ROBO1: variants seen among roughly 807,000 people sequenced by gnomAD.
ROBO1 encodes the protein roundabout guidance receptor 1.
ROBO1 carries 149 observed loss-of-function variants against 195.9 expected under a neutral mutation model. The observed-to-expected ratio is 0.76, with a 90% CI of 0.67 to 0.87. ROBO1 has a LOEUF of 0.87. Among genes scored for constraint, ROBO1 ranks in the 40% least tolerant of loss-of-function variants. The probability of loss-of-function intolerance (pLI) is 0.00; values close to 1 mark genes in which losing one functional copy is unlikely to be tolerated. For synonymous variants in ROBO1, 816 were observed against 733.2 expected (o/e 1.11, Z -1.82); for missense variants, 1,933 against 2,068.3 (o/e 0.93, Z 1.27).
At chr3:78,753,962 A>G (rs2082863669) in intron 4 of ROBO1, among the ~76,000 whole-genome samples, 1 of 152,214 alleles carries the variant, frequency 6.6e-6, no homozygotes, top group Non-Finnish European at 1.5e-5. Context: ...ACATCATTTT[A>G]TACAGTAATA....
intron 2 of ROBO1, among the ~76,000 whole-genome samples, chr3:79,447,612 T>C (rs996099461): frequency 2.0e-5 from 3 of 152,172 alleles, no homozygotes; most frequent in African/African-American, 7.2e-5. Flanking sequence ...AAAAATTAAA[T>C]TGATTTGAGT....
intron 2 of ROBO1, among the ~76,000 whole-genome samples, chr3:79,567,754 A>G (rs1290552056): frequency 6.6e-6 from 1 of 152,150 alleles, no homozygotes; most frequent in African/African-American, 2.4e-5. Context: ...TTGAAAAACT[A>G]AAGTTGTTAT....
chr3:79,532,986 T>TA (rs1004045724), intron 2 of ROBO1: 56 of 315,508 alleles, frequency 1.8e-4, no homozygotes, highest in Middle Eastern at 1.1e-3. Flanking sequence ...TCATCTGCTT[T>TA]AAAAAAAAGT....
chr3:79,164,284 T>A (rs906209878), intron 2 of ROBO1, among the ~76,000 whole-genome samples: 5 of 152,058 alleles, frequency 3.3e-5, no homozygotes, highest in African/African-American at 1.2e-4. Flanking sequence ...CAGTGAAAAA[T>A]TAGAGTACTA....
intron 21 of ROBO1, among the ~76,000 whole-genome samples, chr3:78,644,330 G>A (rs184636843): frequency 6.6e-6 from 1 of 152,206 alleles, no homozygotes; most frequent in East Asian, 1.9e-4. Flanking sequence ...GTCTGGAAGG[G>A]CAGGAATTTT....
chr3:79,207,774 A>G (rs2081896413), intron 2 of ROBO1, among the ~76,000 whole-genome samples: 1 of 148,646 alleles, frequency 6.7e-6, no homozygotes, highest in African/African-American at 2.5e-5. Flanking sequence ...TGAATTGGTG[A>G]CCTTTAAAAC....
intron 2 of ROBO1, among the ~76,000 whole-genome samples, chr3:79,518,373 A>G (rs1174810967): frequency 6.6e-6 from 1 of 152,086 alleles, no homozygotes; most frequent in African/African-American, 2.4e-5. Context: ...ACAACAGGAA[A>G]TAGAGATGCA....
At chr3:79,619,882 C>T (rs1479900304) in intron 1 of ROBO1, among the ~76,000 whole-genome samples, 1 of 152,142 alleles carries the variant, frequency 6.6e-6, no homozygotes, top group Non-Finnish European at 1.5e-5. Flanking sequence ...AGCCCTCAAA[C>T]CCCACAACAG....
At chr3:79,553,356 C>T (rs891125463) in intron 2 of ROBO1, among the ~76,000 whole-genome samples, 3 of 151,948 alleles carry the variant, frequency 2.0e-5, no homozygotes, top group Non-Finnish European at 4.4e-5. Context: ...TGACTCTATT[C>T]GGATGCAGAT....
chr3:79,349,432 C>A (rs1357917182), intron 2 of ROBO1, among the ~76,000 whole-genome samples: 1 of 152,118 alleles, frequency 6.6e-6, no homozygotes, highest in Non-Finnish European at 1.5e-5. Flanking sequence ...TATGAGCTGA[C>A]TTCTTTTAAG....
At chr3:78,881,216 C>A (rs944244268) in intron 4 of ROBO1, among the ~76,000 whole-genome samples, 2 of 152,146 alleles carry the variant, frequency 1.3e-5, no homozygotes, top group Non-Finnish European at 2.9e-5. Context: ...GGATTCTGAG[C>A]TGTACGAAGG....
intron 2 of ROBO1, among the ~76,000 whole-genome samples, chr3:79,321,896 T>C (rs1404050593): frequency 1.3e-5 from 2 of 152,190 alleles, no homozygotes; most frequent in East Asian, 3.9e-4. Context: ...ACTTATTAGC[T>C]GAGGTAAGTA....
At chr3:79,747,120 T>C (rs892149820) in intron 1 of ROBO1, among the ~76,000 whole-genome samples, 1 of 152,062 alleles carries the variant, frequency 6.6e-6, no homozygotes, top group African/African-American at 2.4e-5. Flanking sequence ...TTTTCCTTTT[T>C]TAAATGTAAC....
At chr3:79,102,776 A>G (rs1473878463) in intron 3 of ROBO1, among the ~76,000 whole-genome samples, 2 of 151,778 alleles carry the variant, frequency 1.3e-5, no homozygotes, top group East Asian at 3.9e-4. Flanking sequence ...AAGCACATAA[A>G]AGTTATTGGT....
In ROBO1 at chr3:78,816,538, A is replaced by G. The variant is rs570864496; in HGVS notation, c.500-69638T>C. Among the ~76,000 whole-genome samples, 4 of 152,272 alleles carry G rather than the reference A, an allele frequency of 2.6e-5. No homozygotes were observed. The South Asian group carries it at 6.2e-4, about 24-fold the overall frequency. Reference sequence around the variant, plus strand: ...TATAGCTGCCATAATGATTCCTCCAATGGAGCTAGGCAAAGTAAATAGAAA... The same window carrying G: ...TATAGCTGCCATAATGATTCCTCCAGTGGAGCTAGGCAAAGTAAATAGAAA... On this transcript the variant is annotated intron_variant, in intron 4 of 30. Coordinates refer to ENST00000464233, the MANE Select transcript of ROBO1 (RefSeq NM_002941.4).
chr3:79,248,573 A>G (rs1247292132), intron 2 of ROBO1, among the ~76,000 whole-genome samples: 1 of 152,178 alleles, frequency 6.6e-6, no homozygotes, highest in African/African-American at 2.4e-5. Context: ...GGTTTTTTAA[A>G]AAGCAATATT....
intron 4 of ROBO1, among the ~76,000 whole-genome samples, chr3:78,897,938 GATATA>G (rs1356732144): frequency 3.3e-5 from 5 of 151,674 alleles, no homozygotes; most frequent in Non-Finnish European, 5.9e-5. Context: ...GAACTCATGT[GATATA>G]GTTAGTAAAC....
intron 3 of ROBO1, among the ~76,000 whole-genome samples, chr3:79,025,983 C>A (rs111491289): frequency 5.3e-4 from 81 of 152,224 alleles, no homozygotes; most frequent in African/African-American, 1.8e-3. Flanking sequence ...CGATTCTCTA[C>A]CTTTAACATC....
rs191754148 is a variant in ROBO1, at chr3:79,713,911, T to C, written c.-51+53841A>G. On this transcript the variant is annotated intron_variant, in intron 1 of 30. Transcript: ENST00000464233. ...CAGAGATCAGATAGTTGTAGATATG[T>C]GGCATTATTTCTGAGGGCTCTGTTC... Among the ~76,000 whole-genome samples the C allele has an allele frequency of 5.3e-3, 801 of 152,256 alleles. 6 individuals are homozygous for C. Among genetic ancestry groups the C allele is most frequent in the African/African-American group, 0.018 (768 of 41,560 alleles).
Sources: allele counts gnomAD v4.1 joint callset (sites outside exome capture counted in the v4.1 genomes callset), GRCh38; gene constraint gnomAD v4.1.1; transcripts MANE v1.5; gene names NCBI Gene and HGNC (gene_info 2026-07-23, HGNC 2026-07-21).